GRIK1: variants seen among roughly 807,000 people sequenced by gnomAD.
The protein encoded by GRIK1 is glutamate receptor ionotropic, kainate 1.
GRIK1 carries 69 observed loss-of-function variants against 105.7 expected under a neutral mutation model. The observed-to-expected ratio is 0.65, with a 90% confidence interval of 0.54 to 0.80. The LOEUF is 0.80. GRIK1 is among the 30% of genes least tolerant of loss of function. GRIK1 has a pLI of 0.00. For synonymous variants in GRIK1, 438 were observed against 431.3 expected, an observed-to-expected ratio of 1.02 and a Z score of -0.19; for missense variants, 1,109 against 1,167.3, an observed-to-expected ratio of 0.95 and a Z score of 0.73.
chr21:29,867,581 G>A (rs140435585), intron 1 of GRIK1, among the ~76,000 whole-genome samples: 202 of 152,094 alleles, frequency 1.3e-3, no homozygotes, highest in African/African-American at 4.8e-3. Flanking sequence ...AATCACCTGA[G>A]GGCGGGAGTT....
chr21:29,728,342 G>A (rs182490432), intron 1 of GRIK1, among the ~76,000 whole-genome samples: 30 of 152,264 alleles, frequency 2.0e-4, no homozygotes, highest in Non-Finnish European at 4.0e-4. Context: ...GTGATAGAAG[G>A]CCAAGGTCAG....
intron 14 of GRIK1, among the ~76,000 whole-genome samples, chr21:29,566,428 A>G (rs2090611963): frequency 6.6e-6 from 1 of 152,180 alleles, no homozygotes; most frequent in South Asian, 2.1e-4. Flanking sequence ...AGATAAATGC[A>G]TTTTATCTGT....
At chr21:29,564,161 T>TTTA (rs1568822356) in intron 14 of GRIK1, among the ~76,000 whole-genome samples, 15 of 152,250 alleles carry the variant, frequency 9.9e-5, no homozygotes, top group African/African-American at 3.6e-4. Context: ...TTATTTATTT[T>TTTA]TTTTGAGACG....
intron 1 of GRIK1, among the ~76,000 whole-genome samples, chr21:29,829,925 C>A (rs2067578170): frequency 6.6e-6 from 1 of 152,034 alleles, no homozygotes; most frequent in Non-Finnish European, 1.5e-5. Context: ...CAGCTTCCAC[C>A]TAAGCAAGAG....
At chr21:29,733,400 T>C (rs529576900) in intron 1 of GRIK1, among the ~76,000 whole-genome samples, 1 of 152,254 alleles carries the variant, frequency 6.6e-6, no homozygotes, top group African/African-American at 2.4e-5. Flanking sequence ...TCTAGCTATA[T>C]GAACATTTTT....
At chr21:29,711,464 A>G (rs1601510133) in intron 1 of GRIK1, among the ~76,000 whole-genome samples, 2 of 152,058 alleles carry the variant, frequency 1.3e-5, no homozygotes, top group East Asian at 1.9e-4. Context: ...GTATTTTTCC[A>G]GACAATAACA....
intron 14 of GRIK1, among the ~76,000 whole-genome samples, chr21:29,569,668 A>C (rs1198370084): frequency 6.6e-6 from 1 of 152,226 alleles, no homozygotes; most frequent in East Asian, 1.9e-4. Context: ...TTTAGGCTGC[A>C]TACGGTTCTT....
intron 1 of GRIK1, among the ~76,000 whole-genome samples, chr21:29,703,613 A>G (rs1431150932): frequency 6.6e-6 from 1 of 152,162 alleles, no homozygotes; most frequent in Non-Finnish European, 1.5e-5. Flanking sequence ...TTATCTTTGG[A>G]GCTCAAAACA....
intron 1 of GRIK1, among the ~76,000 whole-genome samples, chr21:29,774,093 A>G (rs2065881528): frequency 6.6e-6 from 1 of 152,164 alleles, no homozygotes; most frequent in African/African-American, 2.4e-5. Flanking sequence ...CAAGGCATTC[A>G]TCTTCCTTCC....
intron 7 of GRIK1, among the ~76,000 whole-genome samples, chr21:29,622,772 G>A (rs1175190140): frequency 5.3e-5 from 8 of 152,174 alleles, no homozygotes; most frequent in East Asian, 1.9e-4. Context: ...TCCTGAGAGC[G>A]CTTCCTCAAT....
At chr21:29,793,416 G>T (rs1462026963) in intron 1 of GRIK1, among the ~76,000 whole-genome samples, 1 of 152,076 alleles carries the variant, frequency 6.6e-6, no homozygotes, top group Non-Finnish European at 1.5e-5. Context: ...ACAAGTTATG[G>T]CTCTTGAGTA....
At chr21:29,728,566 A>G (rs2064528690) in intron 1 of GRIK1, among the ~76,000 whole-genome samples, 1 of 152,192 alleles carries the variant, frequency 6.6e-6, no homozygotes, top group Non-Finnish European at 1.5e-5. Flanking sequence ...ATAAATCATT[A>G]CATCACAGTG....
chr21:29,806,710 G>A (rs1185344331), intron 1 of GRIK1, among the ~76,000 whole-genome samples: 1 of 152,042 alleles, frequency 6.6e-6, no homozygotes. Context: ...TACTTACCTT[G>A]CGCTGGGCAC....
At chr21:29,862,156 G>C (rs1250250499) in intron 1 of GRIK1, among the ~76,000 whole-genome samples, 2 of 151,950 alleles carry the variant, frequency 1.3e-5, no homozygotes, top group African/African-American at 2.4e-5. Context: ...CTGGCTAATT[G>C]TCTTATTTTT....
intron 1 of GRIK1, among the ~76,000 whole-genome samples, chr21:29,799,926 T>C (rs948247320): frequency 6.6e-6 from 1 of 152,234 alleles, no homozygotes; most frequent in Admixed American, 6.5e-5. Context: ...CATTATTGGC[T>C]CTACAGTAAA....
chr21:29,849,649 C>A (rs1234741613), intron 1 of GRIK1, among the ~76,000 whole-genome samples: 1 of 152,204 alleles, frequency 6.6e-6, no homozygotes, highest in Non-Finnish European at 1.5e-5. Flanking sequence ...ACAATGTGTC[C>A]ATGTGCTTAT....
chr21:29,562,381 C>T (rs1399787294), intron 14 of GRIK1, among the ~76,000 whole-genome samples: 5 of 152,142 alleles, frequency 3.3e-5, no homozygotes, highest in African/African-American at 1.2e-4. Flanking sequence ...TCAGCCAGGC[C>T]TGGTGGCTCA....
At chr21:29,720,125 A>G (rs1034817506) in intron 1 of GRIK1, among the ~76,000 whole-genome samples, 37 of 152,230 alleles carry the variant, frequency 2.4e-4, no homozygotes, top group African/African-American at 8.4e-4. Context: ...TATCCAGATA[A>G]TAAATAAAGC....
intron 1 of GRIK1, among the ~76,000 whole-genome samples, chr21:29,848,761 A>G (rs201010971): frequency 1.2e-3 from 101 of 81,388 alleles, no homozygotes; most frequent in South Asian, 4.5e-3. Context: ...GTGTGTATAT[A>G]TATATATATA....
Sources: gnomAD v4.1 joint callset for allele counts (sites outside exome capture counted in the v4.1 genomes callset) on GRCh38, gnomAD v4.1.1 for gene constraint, MANE v1.5 for transcripts, NCBI Gene and HGNC (gene_info 2026-07-23, HGNC 2026-07-21) for gene names.